TMEM71: variants seen among roughly 807,000 people sequenced by gnomAD.
TMEM71 encodes the protein transmembrane protein 71.
TMEM71 carries 44 observed loss-of-function variants against 38.0 expected under a neutral mutation model. The ratio of observed to expected loss-of-function variants is 1.16; its 90% CI spans 0.91 to 1.49. The LOEUF (loss-of-function observed/expected upper bound fraction) is 1.49. Ranked by LOEUF, TMEM71 falls within the 40% of genes most tolerant of loss-of-function variation. The pLI is 0.00. For missense variants in TMEM71, 367 were observed against 348.6 expected (o/e 1.05, Z -0.42); for synonymous variants, 133 against 122.5 (o/e 1.09, Z -0.56).
At chr8:132,757,373 G>A in intron 2 of TMEM71, 79 bp from the exon 3 acceptor site, 3 of 1,094,202 alleles carry the variant, frequency 2.7e-6, no homozygotes, top group South Asian at 1.3e-5. Context: ...GTATCAATAT[G>A]TATAATTGCA....
At chr8:132,775,406 A>C in the TMEM71 span, 10 of 382,550 alleles carry the variant, frequency 2.6e-5, no homozygotes, top group Non-Finnish European at 4.1e-5. Flanking sequence ...CCGGCGGCGG[A>C]GGCGGCGGCG....
At position 132,757,290 on chromosome 8, in the gene TMEM71, A is replaced by C. The variant is rs151072192; in HGVS notation, c.45T>G (p.Ser15=). Residue 15 remains serine, a synonymous_variant, in exon 3 of 10, where the codon TCT becomes TCG. Coordinates refer to ENST00000677595, the MANE Select transcript of TMEM71 (RefSeq NM_001382403.1). ...CAGCATATTCTCTTTCCAACCTGGAAGAACCTGCATAAACAAATGAGAGAG... is the reference window on the plus strand; with the variant it reads ...CAGCATATTCTCTTTCCAACCTGGACGAACCTGCATAAACAAATGAGAGAG... ...SQLMSTPVAS[S]SRLEREYAGE... 385 of 1,599,054 alleles carry C rather than the reference A, an allele frequency of 2.4e-4. 3 individuals carry two copies. The East Asian group carries it at 8.2e-3, about 34-fold the overall frequency.
the TMEM71 span, among the ~76,000 whole-genome samples, chr8:132,768,142 T>C: frequency 6.6e-6 from 1 of 152,216 alleles, no homozygotes; most frequent in Non-Finnish European, 1.5e-5. Context: ...TCAATTTCCT[T>C]GTAATAACAC....
At chr8:132,723,936 C>T (rs997768822) in intron 6 of TMEM71, among the ~76,000 whole-genome samples, 5 of 152,138 alleles carry the variant, frequency 3.3e-5, no homozygotes, top group Admixed American at 3.3e-4. Flanking sequence ...AATTTTACAG[C>T]TGGGCTGCCG....
intron 5 of TMEM71, among the ~76,000 whole-genome samples, chr8:132,739,820 C>T (rs1827943373): frequency 6.6e-6 from 1 of 152,176 alleles, no homozygotes; most frequent in South Asian, 2.1e-4. Context: ...CCCTTGACTT[C>T]TCTTTTTCTC....
At chr8:132,739,800 G>T (rs1186796622) in intron 5 of TMEM71, among the ~76,000 whole-genome samples, 1 of 152,172 alleles carries the variant, frequency 6.6e-6, no homozygotes, top group Non-Finnish European at 1.5e-5. Flanking sequence ...TGCTCAGCAT[G>T]GAATAAGCAC....
At chr8:132,719,642 C>T (rs778485203) in intron 7 of TMEM71, among the ~76,000 whole-genome samples, 1 of 152,212 alleles carries the variant, frequency 6.6e-6, no homozygotes, top group Non-Finnish European at 1.5e-5. Flanking sequence ...AACATCCATG[C>T]TCTTGCCCAC....
At chr8:132,734,620 A>C (rs1827643913) in intron 5 of TMEM71, among the ~76,000 whole-genome samples, 1 of 152,242 alleles carries the variant, frequency 6.6e-6, no homozygotes, top group South Asian at 2.1e-4. Flanking sequence ...TATGGTATTC[A>C]ACAGAGAAAC....
chr8:132,738,784 T>G (rs189560663), intron 5 of TMEM71, among the ~76,000 whole-genome samples: 33 of 152,286 alleles, frequency 2.2e-4, no homozygotes, highest in African/African-American at 7.5e-4. Context: ...TAAGTAATCC[T>G]TTGATCATAT....
chr8:132,748,186 C>T (rs1386103942), intron 4 of TMEM71, among the ~76,000 whole-genome samples: 5 of 152,252 alleles, frequency 3.3e-5, no homozygotes, highest in Admixed American at 2.6e-4. Flanking sequence ...AAATTCTGCT[C>T]TTTAGCTATA....
intron 5 of TMEM71, among the ~76,000 whole-genome samples, chr8:132,734,640 G>T (rs1261346353): frequency 2.6e-5 from 4 of 152,106 alleles, no homozygotes; most frequent in Non-Finnish European, 4.4e-5. Context: ...CCACAAAAAA[G>T]TCTTAACATT....
chr8:132,757,597 G>T (rs529564357), intron 2 of TMEM71, among the ~76,000 whole-genome samples: 1 of 152,110 alleles, frequency 6.6e-6, no homozygotes, highest in South Asian at 2.1e-4. Context: ...AGACCGAGGC[G>T]GGCGGATCAC....
downstream of TMEM71, among the ~76,000 whole-genome samples, chr8:132,707,305 G>A (rs1174820464): frequency 1.3e-5 from 2 of 152,044 alleles, no homozygotes; most frequent in Non-Finnish European, 1.5e-5. Flanking sequence ...TGTTGGAAGG[G>A]GCAGCTGGAG....
chr8:132,754,904 C>T (rs1219032007), intron 3 of TMEM71, among the ~76,000 whole-genome samples: 1 of 152,176 alleles, frequency 6.6e-6, no homozygotes, highest in Non-Finnish European at 1.5e-5. Flanking sequence ...TTTAACAGCA[C>T]ATTTTGGTTC....
chr8:132,721,986 C>T (rs1249910615), intron 7 of TMEM71, 54 bp downstream of exon 7: 12 of 1,436,102 alleles, frequency 8.4e-6, no homozygotes, highest in Admixed American at 1.7e-5. Flanking sequence ...CATCAATCAG[C>T]TATAGTTTCA....
chr8:132,706,816 A>T (rs1022193214), downstream of TMEM71, among the ~76,000 whole-genome samples: 2 of 152,180 alleles, frequency 1.3e-5, no homozygotes, highest in Non-Finnish European at 2.9e-5. Context: ...CTGGAATATC[A>T]TCCTTTTCAA....
chr8:132,734,658 G>C (rs902773269), intron 5 of TMEM71, among the ~76,000 whole-genome samples: 1 of 152,100 alleles, frequency 6.6e-6, no homozygotes, highest in Non-Finnish European at 1.5e-5. Context: ...ATTCAAAAAC[G>C]ATCAAGGAGA....
the TMEM71 span, among the ~76,000 whole-genome samples, chr8:132,766,196 G>A: frequency 2.6e-5 from 4 of 152,212 alleles, no homozygotes; most frequent in Non-Finnish European, 5.9e-5. Context: ...TCTTGCGGCA[G>A]AGGGAAGAGA....
chr8:132,734,551 G>T (rs1827639920), intron 5 of TMEM71, among the ~76,000 whole-genome samples: 1 of 152,030 alleles, frequency 6.6e-6, no homozygotes, highest in South Asian at 2.1e-4. Flanking sequence ...CTGAGAGTTG[G>T]ATGAAATAAA....
Sources: gnomAD v4.1 joint callset for allele counts (sites outside exome capture counted in the v4.1 genomes callset) on GRCh38, gnomAD v4.1.1 for gene constraint, MANE v1.5 for transcripts, NCBI Gene and HGNC (gene_info 2026-07-23, HGNC 2026-07-21) for gene names.